The following ALK variants were observed in gnomAD, a reference collection of about 807,000 sequenced individuals.
ALK encodes ALK receptor tyrosine kinase, also known as ALK tyrosine kinase receptor.
A neutral mutation model predicts 163.1 loss-of-function variants in ALK; 74 were observed. The ratio of observed to expected loss-of-function variants is 0.45; its 90% confidence interval spans 0.38 to 0.55. The LOEUF (loss-of-function observed/expected upper bound fraction) is 0.55. Ranked by LOEUF, ALK falls within the 20% of genes least tolerant of loss-of-function variation. ALK has a pLI of 0.00. For synonymous variants in ALK, 960 were observed against 843.2 expected (o/e 1.14, Z -2.40); for missense variants, 2,063 against 2,105.3 (o/e 0.98, Z 0.39).
At chr2:29,677,702 T>C (rs1677927712) in intron 3 of ALK, among the ~76,000 whole-genome samples, 1 of 152,078 alleles carries the variant, frequency 6.6e-6, no homozygotes, top group Non-Finnish European at 1.5e-5. Context: ...TTAAGAATTT[T>C]TGCACCCATC....
chr2:29,832,334 C>T (rs1478578890), intron 1 of ALK, among the ~76,000 whole-genome samples: 1 of 152,096 alleles, frequency 6.6e-6, no homozygotes, highest in African/African-American at 2.4e-5. Context: ...GTCTCATGAG[C>T]AGAGAAGCAG....
chr2:29,261,023 C>T (rs1416709901), intron 11 of ALK, among the ~76,000 whole-genome samples: 6 of 152,114 alleles, frequency 3.9e-5, no homozygotes, highest in South Asian at 2.1e-4. Context: ...CCTGCAATGA[C>T]GTTTGCTGGC....
intron 5 of ALK, among the ~76,000 whole-genome samples, chr2:29,343,618 C>T (rs770379111): frequency 3.9e-5 from 6 of 152,110 alleles, no homozygotes; most frequent in Admixed American, 6.5e-5. Flanking sequence ...TTTCTCCCTG[C>T]GCTGTGGTTC....
rs559901520 is a variant in ALK at position 29,547,724 on chromosome 2, C to T, written c.953-15608G>A. ...CAACTTCCTTCTCTCTTGCCTCCTT[C>T]TTTTATTGAGACTGGAAGTTTAAAA... is the stretch of plus-strand genomic sequence containing the variant. On this transcript the variant is annotated intron_variant, in intron 3 of 28. Transcript: ENST00000389048. Among the ~76,000 whole-genome samples the T allele has an allele frequency of 3.0e-3, 458 of 152,252 alleles. 3 individuals carry two copies. The highest frequency in any genetic ancestry group is 0.01 in the Middle Eastern group (3 of 294).
Position 29,209,845 on chromosome 2 carries a change from A to G in ALK, c.3777T>C (p.Cys1259=), listed in dbSNP as rs1573102854. ...DIAARNCLLT[C]PGPGRVAKIG... ...TCTTGGCCACTCTTCCAGGGCCTGG[A>G]CAGGTCAAGAGGCAGTTTCTGGCAG... Residue 1259 remains cysteine, a synonymous_variant, in exon 25 of 29, where the codon TGT becomes TGC. Coordinates refer to ENST00000389048, the MANE Select transcript of ALK (RefSeq NM_004304.5). The G allele has an allele frequency of 6.2e-7, 1 of 1,614,186 alleles. No individual in the cohort carries two copies. The highest frequency in any genetic ancestry group is 8.5e-7 in the Non-Finnish European group (1 of 1,180,034).
chr2:29,196,376 C>T (rs537675843), intron 28 of ALK, among the ~76,000 whole-genome samples: 21 of 152,244 alleles, frequency 1.4e-4, no homozygotes, highest in African/African-American at 4.8e-4. Flanking sequence ...ATTTTATATG[C>T]AATTAATTAC....
intron 5 of ALK, among the ~76,000 whole-genome samples, chr2:29,372,564 G>A (rs1668664113): frequency 6.6e-6 from 1 of 152,196 alleles, no homozygotes; most frequent in Non-Finnish European, 1.5e-5. Context: ...TGTGTCAGGT[G>A]AGGCACACAG....
At chr2:29,913,492 A>T (rs1667758112) in intron 1 of ALK, among the ~76,000 whole-genome samples, 1 of 152,208 alleles carries the variant, frequency 6.6e-6, no homozygotes, top group South Asian at 2.1e-4. Flanking sequence ...CCACAGAGCA[A>T]CACAATGGCT....
In ALK at chr2:29,362,716, A is replaced by G. The variant is rs577745504; in HGVS notation, c.1282+21016T>C. ...CTCACTATATTGTAGTCCCTTCTTTATCTGTCTTATCCACTGTACTGAGCT... is the reference window on the plus strand; with the variant it reads ...CTCACTATATTGTAGTCCCTTCTTTGTCTGTCTTATCCACTGTACTGAGCT... On this transcript the variant is annotated intron_variant, in intron 5 of 28. Coordinates refer to ENST00000389048, the MANE Select transcript of ALK (RefSeq NM_004304.5). 1.2e-3 allele frequency among the ~76,000 whole-genome samples: 182 copies of G among 152,262 alleles called. 2 individuals carry two copies. The highest frequency in any genetic ancestry group is 1.2e-3 in the Non-Finnish European group (80 of 68,016).
chr2:29,294,179 T>G (rs1481138174), intron 9 of ALK, among the ~76,000 whole-genome samples: 1 of 152,220 alleles, frequency 6.6e-6, no homozygotes, highest in African/African-American at 2.4e-5. Context: ...TCTATTTTCC[T>G]TGCTTATGTC....
intron 4 of ALK, among the ~76,000 whole-genome samples, chr2:29,415,024 A>G (rs1157327819): frequency 1.3e-5 from 2 of 151,732 alleles, no homozygotes; most frequent in Non-Finnish European, 2.9e-5. Flanking sequence ...ACATGTGTGC[A>G]CACACATGCA....
chr2:29,580,707 T>C (rs774830012), intron 3 of ALK, among the ~76,000 whole-genome samples: 4 of 152,132 alleles, frequency 2.6e-5, no homozygotes, highest in Non-Finnish European at 5.9e-5. Context: ...GAGCGGAAAA[T>C]TGCCATCCAG....
intron 11 of ALK, among the ~76,000 whole-genome samples, chr2:29,257,186 C>T (rs1026500427): frequency 6.6e-6 from 1 of 152,064 alleles, no homozygotes; most frequent in African/African-American, 2.4e-5. Context: ...CGTCACCTGC[C>T]TCTTTCCTCT....
At chr2:29,581,842 G>A (rs369447360) in intron 3 of ALK, among the ~76,000 whole-genome samples, 2 of 152,162 alleles carry the variant, frequency 1.3e-5, no homozygotes, top group South Asian at 4.1e-4. Context: ...CTCAGTGATG[G>A]CTTAAATGTC....
intron 5 of ALK, among the ~76,000 whole-genome samples, chr2:29,368,511 C>T (rs1314041994): frequency 6.6e-6 from 1 of 152,160 alleles, no homozygotes; most frequent in Admixed American, 6.5e-5. Context: ...AGTAAAGTCT[C>T]CTGCCTTGGT....
In ALK at chr2:29,209,896, G is replaced by T. The variant is rs1669418467; in HGVS notation, c.3744-18C>A. On this transcript the variant is annotated intron_variant, in intron 24 of 28. Transcript: ENST00000389048. Reference sequence around the variant, plus strand: ...CAATGTCTCTGGGAAGAAAGGAAATGCATTTCCTAATTTTATCCCTAGGAA... The same window carrying T: ...CAATGTCTCTGGGAAGAAAGGAAATTCATTTCCTAATTTTATCCCTAGGAA... 1 of 1,603,338 alleles carries T rather than the reference G, an allele frequency of 6.2e-7. No homozygotes were observed. The highest frequency in any genetic ancestry group is 8.5e-7 in the Non-Finnish European group (1 of 1,170,266).
chr2:29,611,798 G>T (rs1675699010), intron 3 of ALK, among the ~76,000 whole-genome samples: 1 of 152,122 alleles, frequency 6.6e-6, no homozygotes, highest in South Asian at 2.1e-4. Context: ...ACAGGTGTTT[G>T]CTTCCCCTTT....
chr2:29,498,898 G>A (rs759513477), intron 4 of ALK, among the ~76,000 whole-genome samples: 1 of 152,112 alleles, frequency 6.6e-6, no homozygotes, highest in African/African-American at 2.4e-5. Flanking sequence ...AGCCAAGGAC[G>A]CAGATTCACA....
At chr2:29,360,005 A>T (rs1004245201) in intron 5 of ALK, among the ~76,000 whole-genome samples, 4 of 152,236 alleles carry the variant, frequency 2.6e-5, no homozygotes, top group Non-Finnish European at 4.4e-5. Flanking sequence ...GGTACTCAGT[A>T]GAAGTGGGCA....
Sources: allele counts gnomAD v4.1 joint callset (sites outside exome capture counted in the v4.1 genomes callset), GRCh38; gene constraint gnomAD v4.1.1; transcripts MANE v1.5; gene names NCBI Gene and HGNC (gene_info 2026-07-23, HGNC 2026-07-21).